The following MICAL3 variants were observed in gnomAD, a reference collection of about 807,000 sequenced individuals.
MICAL3 encodes [F-actin]-monooxygenase MICAL3.
In MICAL3, 62 loss-of-function variants were observed where a neutral mutation model predicts 207.4. The observed-to-expected ratio is 0.30, with a 90% CI of 0.24 to 0.37. The LOEUF is 0.37. MICAL3 is among the 10% of genes least tolerant of loss of function. The pLI is 1.00. For missense variants in MICAL3, 2,368 were observed against 2,635.6 expected (o/e 0.90, Z 2.22); for synonymous variants, 1,077 against 1,069.3 (o/e 1.01, Z -0.14).
In MICAL3 at chr22:17,816,761, T is replaced by G. The variant is rs1601958984; in HGVS notation, c.5374A>C (p.Ser1792Arg). The G allele has an allele frequency of 1.3e-6, 2 of 1,551,116 alleles. No homozygotes were observed. Among genetic ancestry groups the G allele is most frequent in the East Asian group, 4.9e-5 (2 of 40,944 alleles). The change falls in exon 27 of 32, where the codon AGC (serine) becomes CGC (arginine). Residue 1792 changes from serine to arginine, a missense_variant. Transcript: ENST00000441493. ...GAGAGGTCTGAGTCCTCGGAGAAGC[T>G]CAGCTGGCGCCGGAGCTGCAGCTCT... ...RAELQLRRQL[S>R]FSEDSDLSSD... is the part of the protein sequence containing the mutation.
At chr22:17,983,776 C>G (rs1936035654) in intron 1 of MICAL3, among the ~76,000 whole-genome samples, 1 of 152,152 alleles carries the variant, frequency 6.6e-6, no homozygotes, top group African/African-American at 2.4e-5. Flanking sequence ...TGGACACCTT[C>G]ACACCATGCC....
At chr22:17,882,164 T>C (rs930098672) in intron 16 of MICAL3, among the ~76,000 whole-genome samples, 1 of 150,526 alleles carries the variant, frequency 6.6e-6, no homozygotes, top group African/African-American at 2.5e-5. Flanking sequence ...GAGCTTGCCT[T>C]TGGGATGTGT....
chr22:18,003,156 T>G (rs1923154074), intron 1 of MICAL3, among the ~76,000 whole-genome samples: 1 of 137,866 alleles, frequency 7.3e-6, no homozygotes, highest in Admixed American at 7.4e-5. Flanking sequence ...CAAGACTCCA[T>G]CTCAAAAAAA....
intron 1 of MICAL3, among the ~76,000 whole-genome samples, chr22:18,016,512 T>TCG (rs71184761): frequency 0.13 from 19,620 of 152,206 alleles, 1,692 homozygotes; most frequent in Non-Finnish European, 0.19. Context: ...TGTAGTCACA[T>TCG]TCTCCCTCCA....
In MICAL3 at chr22:17,818,935, C is replaced by A; in HGVS notation, c.3726G>T (p.Pro1242=). Reference sequence around the variant, plus strand: ...AGGCCGCCACGGGTGGCTGGGGCTGCGGGCTCCCTGGTGAGACAGGAGTCC... The same window carrying A: ...AGGCCGCCACGGGTGGCTGGGGCTGAGGGCTCCCTGGTGAGACAGGAGTCC... ...EARTPVSPGS[P]QPQPPVAAST... Residue 1242 remains proline (P), a synonymous_variant, in exon 26 of 32, where the codon CCG becomes CCT. Coordinates refer to ENST00000441493, the MANE Select transcript of MICAL3 (RefSeq NM_015241.3). 6.3e-7 allele frequency: 1 copy of A among 1,584,880 alleles called. No homozygotes were observed. The highest frequency in any genetic ancestry group is 8.6e-7 in the Non-Finnish European group (1 of 1,165,530).
intron 17 of MICAL3, among the ~76,000 whole-genome samples, chr22:17,866,661 AATAGAAT>A (rs1273033321): frequency 6.6e-6 from 1 of 151,700 alleles, no homozygotes; most frequent in Non-Finnish European, 1.5e-5. Flanking sequence ...AATAGAATAG[AATAGAAT>A]ATAGAATAGA....
At chr22:17,907,221 G>C (rs549039710) in intron 1 of MICAL3, among the ~76,000 whole-genome samples, 5 of 152,228 alleles carry the variant, frequency 3.3e-5, no homozygotes, top group Non-Finnish European at 5.9e-5. Context: ...GTGGTGAAGG[G>C]GGGGGGTCCC....
intron 1 of MICAL3, among the ~76,000 whole-genome samples, chr22:18,000,808 G>C (rs986252807): frequency 6.6e-6 from 1 of 152,206 alleles, no homozygotes; most frequent in African/African-American, 2.4e-5. Flanking sequence ...CTACCTGCCA[G>C]GGTCGCAGGA....
At chr22:17,863,195 GTCATTCAGGAA>G (rs1296043460) in intron 19 of MICAL3, 1 of 985,256 alleles carries the variant, frequency 1.0e-6, no homozygotes, top group East Asian at 1.1e-4. Context: ...CAAACCTGGC[GTCATTCAGGAA>G]TAACCTAAAC....
intron 19 of MICAL3, chr22:17,862,004 G>T (rs575929570): frequency 2.6e-5 from 26 of 985,408 alleles, no homozygotes; most frequent in Middle Eastern, 5.2e-4. Flanking sequence ...AGAGAGAAAT[G>T]CCACAATATA....
intron 20 of MICAL3, chr22:17,834,478 G>A: frequency 8.7e-6 from 11 of 1,270,916 alleles, no homozygotes; most frequent in Non-Finnish European, 1.1e-5. Context: ...CACTGTGGGA[G>A]GCTGAGGTGG....
intron 1 of MICAL3, among the ~76,000 whole-genome samples, chr22:17,969,578 G>GAATCA (rs1935310240): frequency 1.3e-5 from 2 of 151,760 alleles, no homozygotes; most frequent in Admixed American, 6.6e-5. Flanking sequence ...TCCTTTTTTG[G>GAATCA]TTTATCTTAG....
intron 1 of MICAL3, among the ~76,000 whole-genome samples, chr22:18,018,769 T>C (rs201240671): frequency 7.3e-6 from 1 of 137,698 alleles, no homozygotes; most frequent in African/African-American, 3.0e-5. Context: ...TCTATCTATC[T>C]ACACACACAC....
rs1436418939 is a variant in MICAL3, at chr22:17,902,595, C to T, written c.589+36G>A. 3.1e-6 allele frequency: 4 copies of T among 1,282,598 alleles called. No homozygotes were observed. Among genetic ancestry groups the T allele is most frequent in the Admixed American group, 1.9e-5 (1 of 51,466 alleles). The allele number at this position is 1,282,598 out of a possible 1,614,324, so 79.5% of individuals were successfully genotyped here. On this transcript the variant is annotated intron_variant, in intron 4 of 31. Transcript: ENST00000441493. The surrounding 1 kb of genome is among the most constrained non-coding windows in gnomAD (Gnocchi z 4.5). ...CTCATCTTCCTCACCCATCAACACC[C>T]TCTCACGCCTTCTTCACTCCTCCAG...
intron 1 of MICAL3, among the ~76,000 whole-genome samples, chr22:17,986,574 A>G (rs1386642416): frequency 6.6e-6 from 1 of 152,110 alleles, no homozygotes; most frequent in Non-Finnish European, 1.5e-5. Context: ...GATCCCATCT[A>G]AGTAGGCTGA....
chr22:17,832,223 C>T (rs5992123), intron 20 of MICAL3, 116 bp from the exon 21 acceptor site: 389,208 of 1,319,316 alleles, frequency 0.3, 61,431 homozygotes, highest in Non-Finnish European at 0.33. Context: ...GCTGAGCAGG[C>T]GGAGAGAGAC....
At chr22:17,920,482 G>A (rs1004985127) in intron 1 of MICAL3, among the ~76,000 whole-genome samples, 21 of 152,140 alleles carry the variant, frequency 1.4e-4, no homozygotes, top group Admixed American at 9.2e-4. Flanking sequence ...ACGCGTTCCG[G>A]TCTTATCTGG....
chr22:17,898,914 TGTATCGGCA>T (rs1459156191), intron 7 of MICAL3, among the ~76,000 whole-genome samples: 1 of 152,164 alleles, frequency 6.6e-6, no homozygotes, highest in Non-Finnish European at 1.5e-5. Context: ...CTCTGAAAAC[TGTATCGGCA>T]GTGACACCAG....
intron 1 of MICAL3, among the ~76,000 whole-genome samples, chr22:17,964,907 G>A (rs777090392): frequency 7.9e-5 from 12 of 152,200 alleles, no homozygotes; most frequent in Non-Finnish European, 1.3e-4. Context: ...ACTGCTGACC[G>A]TAAGCGCACT....
Sources: gnomAD v4.1 joint callset for allele counts (sites outside exome capture counted in the v4.1 genomes callset) on GRCh38, gnomAD v4.1.1 for gene constraint, Gnocchi (gnomAD v3.1) non-coding constraint, MANE v1.5 for transcripts, NCBI Gene and HGNC (gene_info 2026-07-23, HGNC 2026-07-21) for gene names.